ANOS1: variants seen among roughly 807,000 people sequenced by gnomAD.
ANOS1 encodes the protein anosmin-1.
In ANOS1, 6 loss-of-function variants were observed where a neutral mutation model predicts 59.0. That is an observed-to-expected ratio of 0.10 (90% CI 0.06 to 0.20). The LOEUF is 0.20. ANOS1 is among the 10% of genes least tolerant of loss of function. The pLI, the probability that ANOS1 is intolerant of heterozygous loss-of-function variation, is 1.00. For missense variants in ANOS1, 433 were observed against 542.3 expected (o/e 0.80, Z 2.00); for synonymous variants, 217 against 223.4 (o/e 0.97, Z 0.25).
At chrX:8,570,734 T>C in intron 6 of ANOS1, 30 bp from the exon 7 acceptor site, 1 of 1,143,570 alleles carries the variant, frequency 8.7e-7, no homozygotes, top group African/African-American at 1.8e-5. Context: ...ACACATCATA[T>C]GACTCCACAA....
intron 1 of ANOS1, among the ~76,000 whole-genome samples, chrX:8,719,155 T>C (rs1345257854): frequency 8.9e-6 from 1 of 111,826 alleles, no homozygotes; most frequent in East Asian, 2.8e-4. Context: ...ATAAGCTGTG[T>C]ATTCTGTTAA....
intron 9 of ANOS1, among the ~76,000 whole-genome samples, chrX:8,548,335 C>G (rs757250448): frequency 8.9e-6 from 1 of 112,174 alleles, no homozygotes; most frequent in Non-Finnish European, 1.9e-5. Flanking sequence ...CATAAGTATT[C>G]TGTCTAGATA....
At chrX:8,587,258 G>A (rs764345566) in intron 5 of ANOS1, among the ~76,000 whole-genome samples, 4 of 111,195 alleles carry the variant, frequency 3.6e-5, no homozygotes, top group Non-Finnish European at 7.5e-5. Context: ...CATGCAGGTG[G>A]TATATCAGTT....
intron 3 of ANOS1, among the ~76,000 whole-genome samples, chrX:8,609,330 T>C (rs1471748552): frequency 8.9e-6 from 1 of 111,857 alleles, no homozygotes; most frequent in African/African-American, 3.3e-5. Flanking sequence ...ACTGGCCTTA[T>C]AAAGATTATT....
intron 8 of ANOS1, among the ~76,000 whole-genome samples, chrX:8,564,558 C>A (rs1011720453): frequency 9.0e-6 from 1 of 111,290 alleles, no homozygotes; most frequent in Admixed American, 9.6e-5. Context: ...ATACTGTGAC[C>A]ACATATGTAG....
intron 6 of ANOS1, among the ~76,000 whole-genome samples, chrX:8,579,782 C>A (rs1930390697): frequency 9.0e-6 from 1 of 111,715 alleles, no homozygotes; most frequent in Non-Finnish European, 1.9e-5. Flanking sequence ...ACACCCTTAA[C>A]CCCCCTCCAG....
At chrX:8,569,534 C>T (rs1191275919) in intron 7 of ANOS1, among the ~76,000 whole-genome samples, 2 of 111,242 alleles carry the variant, frequency 1.8e-5, no homozygotes, top group Admixed American at 9.5e-5. Context: ...CCCAGCTACT[C>T]GGGAGGCTGA....
intron 2 of ANOS1, among the ~76,000 whole-genome samples, chrX:8,626,860 C>CA (rs745349086): frequency 0.028 from 1,691 of 59,691 alleles, 44 homozygotes; most frequent in African/African-American, 0.08. Flanking sequence ...TACTCCGTCT[C>CA]AAAAAAAAAA....
At chrX:8,678,914 T>C (rs1236573361) in intron 2 of ANOS1, among the ~76,000 whole-genome samples, 1 of 111,393 alleles carries the variant, frequency 9.0e-6, no homozygotes, top group African/African-American at 3.3e-5. Context: ...CATAAACAAG[T>C]TACCCAAACA....
chrX:8,609,415 T>C (rs760833024), intron 3 of ANOS1, among the ~76,000 whole-genome samples: 4 of 111,996 alleles, frequency 3.6e-5, no homozygotes, highest in Non-Finnish European at 5.6e-5. Flanking sequence ...CTGTGTCCTG[T>C]AGTTCACTTT....
At chrX:8,562,363 T>C (rs1388851967) in intron 8 of ANOS1, among the ~76,000 whole-genome samples, 2 of 112,046 alleles carry the variant, frequency 1.8e-5, no homozygotes, top group African/African-American at 3.2e-5. Flanking sequence ...TTAGTGTTGC[T>C]GACACACGCC....
chrX:8,568,434 T>C (rs1265788375), intron 7 of ANOS1, 58 bp from the exon 8 acceptor site: 15 of 1,065,231 alleles, frequency 1.4e-5, no homozygotes, highest in Admixed American at 2.2e-5. Context: ...TCTCTCATCT[T>C]CATTGCAAAA....
rs191030593 is a variant in ANOS1 at position 8,610,729 on chromosome X, A to G, written c.318+12879T>C. Among the ~76,000 whole-genome samples, 223 of 111,787 alleles carry G rather than the reference A, an allele frequency of 2.0e-3. 3 individuals carry two copies. The highest frequency in any genetic ancestry group is 6.9e-3 in the African/African-American group (212 of 30,789). ...AGCATTGGCTAGAGTCCTCAGAAGG[A>G]TATCACCTAGTAATGGGATAAATTG... On this transcript the variant is annotated intron_variant, in intron 3 of 13. Coordinates refer to ENST00000262648, the MANE Select transcript of ANOS1 (RefSeq NM_000216.4).
In ANOS1 at chrX:8,530,495, A is replaced by G. The variant is rs1384283787; in HGVS notation, c.*2500T>C. 9.0e-6 allele frequency: 1 copy of G among 111,221 alleles called. No homozygotes were observed. Among genetic ancestry groups the G allele is most frequent in the Non-Finnish European group, 1.9e-5 (1 of 52,983 alleles). The allele number at this position is 111,221 out of a possible 1,213,427, so 9.2% of individuals were successfully genotyped here. On this transcript the variant is annotated 3_prime_UTR_variant, in exon 14 of 14. Coordinates refer to ENST00000262648, the MANE Select transcript of ANOS1 (RefSeq NM_000216.4). Reference sequence around the variant, plus strand: ...ATACTGGAGCTTATTAAAATCCATAAGAGAAACACATGTTTTTTATTAGCC... The same window carrying G: ...ATACTGGAGCTTATTAAAATCCATAGGAGAAACACATGTTTTTTATTAGCC...
chrX:8,542,709 C>T (rs1257448079), intron 9 of ANOS1, among the ~76,000 whole-genome samples: 4 of 111,078 alleles, frequency 3.6e-5, no homozygotes, highest in Non-Finnish European at 7.5e-5. Context: ...TGCCCTTCCA[C>T]CAGCTTCAAA....
chrX:8,719,080 G>C (rs142889061), intron 1 of ANOS1, among the ~76,000 whole-genome samples: 55 of 111,857 alleles, frequency 4.9e-4, no homozygotes, highest in African/African-American at 1.6e-3. Flanking sequence ...AATCCTCCTT[G>C]GCATACTGGA....
chrX:8,713,489 G>A, intron 1 of ANOS1, among the ~76,000 whole-genome samples: 1 of 111,841 alleles, frequency 8.9e-6, no homozygotes, highest in Non-Finnish European at 1.9e-5. Context: ...AGAGCAGTCA[G>A]CTGTTTTACA....
At chrX:8,673,078 A>G (rs1932281940) in intron 2 of ANOS1, among the ~76,000 whole-genome samples, 1 of 111,499 alleles carries the variant, frequency 9.0e-6, no homozygotes, top group Non-Finnish European at 1.9e-5. Context: ...TTTACATTGA[A>G]ATCATTTGTT....
intron 2 of ANOS1, among the ~76,000 whole-genome samples, chrX:8,626,785 C>T (rs1186569111): frequency 3.8e-5 from 4 of 104,212 alleles, no homozygotes; most frequent in African/African-American, 7.1e-5. Context: ...GGCGTGAACC[C>T]GAGAGGCGGA....
Sources: allele counts gnomAD v4.1 joint callset (sites outside exome capture counted in the v4.1 genomes callset), GRCh38; gene constraint gnomAD v4.1.1; transcripts MANE v1.5; gene names NCBI Gene and HGNC (gene_info 2026-07-23, HGNC 2026-07-21).